PLPPR1: variants seen among roughly 807,000 people sequenced by gnomAD.
The protein encoded by PLPPR1 is phospholipid phosphatase-related protein type 1.
Under a neutral mutation model 33.1 loss-of-function variants are expected in PLPPR1, and 10 were observed. The observed-to-expected ratio is 0.30, with a 90% CI of 0.19 to 0.51. The LOEUF (loss-of-function observed/expected upper bound fraction) is 0.51, where lower values mean the gene tolerates loss of function less well. Among genes scored for constraint, PLPPR1 ranks in the 20% least tolerant of loss-of-function variants. PLPPR1 has a pLI of 0.97. For synonymous variants in PLPPR1, 151 were observed against 151.0 expected (o/e 1.00, Z 0.00); for missense variants, 304 against 408.1 (o/e 0.74, Z 2.20).
At chr9:101,073,006 A>G (rs1004979342) in intron 1 of PLPPR1, among the ~76,000 whole-genome samples, 2 of 152,220 alleles carry the variant, frequency 1.3e-5, no homozygotes, top group African/African-American at 4.8e-5. Flanking sequence ...GTAGGGTGAG[A>G]ATACACAAAC....
intron 2 of PLPPR1, among the ~76,000 whole-genome samples, chr9:101,196,240 C>T (rs1205197942): frequency 6.6e-6 from 1 of 152,136 alleles, no homozygotes; most frequent in East Asian, 1.9e-4. Flanking sequence ...AACTGCCATT[C>T]CAATCTATCT....
chr9:101,099,778 A>G (rs1830872420), intron 1 of PLPPR1, among the ~76,000 whole-genome samples: 1 of 152,126 alleles, frequency 6.6e-6, no homozygotes. Flanking sequence ...AAGTCCTGGA[A>G]CAACTCCCCC....
intron 1 of PLPPR1, among the ~76,000 whole-genome samples, chr9:101,120,144 C>T (rs1831160708): frequency 6.6e-6 from 1 of 152,212 alleles, no homozygotes; most frequent in Non-Finnish European, 1.5e-5. Flanking sequence ...TATATTTGCA[C>T]ATGTAATAAT....
chr9:101,061,714 G>T (rs1830349910), intron 1 of PLPPR1, among the ~76,000 whole-genome samples: 1 of 151,734 alleles, frequency 6.6e-6, no homozygotes, highest in Non-Finnish European at 1.5e-5. Flanking sequence ...GATCAAGGAA[G>T]ATGTTGTATT....
At chr9:101,153,381 T>G (rs991913639) in intron 1 of PLPPR1, among the ~76,000 whole-genome samples, 1 of 152,160 alleles carries the variant, frequency 6.6e-6, no homozygotes, top group Admixed American at 6.5e-5. Context: ...TGAATACCTT[T>G]ATTTCTTTCT....
chr9:101,029,629 T>TG (rs1220205787), intron 1 of PLPPR1, among the ~76,000 whole-genome samples: 4 of 152,138 alleles, frequency 2.6e-5, no homozygotes, highest in East Asian at 1.9e-4. Flanking sequence ...AGGCGCATAG[T>TG]GGGGTGTGTG....
At position 101,309,360 on chromosome 9, in the gene PLPPR1, G is replaced by A. The variant is rs1828914846; in HGVS notation, c.535G>A (p.Gly179Arg). ...CQAHHQFINNGNICTGDLEVI... is the reference protein window; with the variant it reads ...CQAHHQFINNRNICTGDLEVI... ...AGCGCACCACCAGTTTATAAACAATGGGAACATTTGTACTGGGGACCTGGA... is the reference window on the plus strand; with the variant it reads ...AGCGCACCACCAGTTTATAAACAATAGGAACATTTGTACTGGGGACCTGGA... Residue 179 changes from glycine to arginine, a missense_variant, in exon 5 of 8, where the codon GGG (glycine) becomes AGG (arginine). Gly to Arg is a moderately radical substitution (Grantham distance 125). Transcript: ENST00000374874. 2.5e-6 allele frequency: 4 copies of A among 1,614,088 alleles called. No homozygotes were observed. Among genetic ancestry groups the A allele is most frequent in the Non-Finnish European group, 3.4e-6 (4 of 1,180,024 alleles).
intron 7 of PLPPR1, among the ~76,000 whole-genome samples, chr9:101,322,176 G>T (rs1275104779): frequency 7.9e-6 from 1 of 126,012 alleles, no homozygotes; most frequent in Non-Finnish European, 1.6e-5. Flanking sequence ...CCAGCCTGGG[G>T]GACAACAGCA....
At chr9:101,230,564 G>C (rs1338232091) in intron 2 of PLPPR1, among the ~76,000 whole-genome samples, 2 of 152,048 alleles carry the variant, frequency 1.3e-5, no homozygotes, top group Non-Finnish European at 2.9e-5. Context: ...GTGTGGAAAA[G>C]GACTGTGGTT....
intron 1 of PLPPR1, among the ~76,000 whole-genome samples, chr9:101,155,574 G>A (rs900692496): frequency 7.3e-5 from 11 of 151,422 alleles, no homozygotes; most frequent in Admixed American, 5.9e-4. Context: ...TTGTTGCATT[G>A]GGGACTAAAT....
At chr9:101,079,601 A>G (rs1830592947) in intron 1 of PLPPR1, among the ~76,000 whole-genome samples, 2 of 147,196 alleles carry the variant, frequency 1.4e-5, no homozygotes, top group South Asian at 4.3e-4. Flanking sequence ...TTTTTTTGAG[A>G]CAGAGTCTAG....
intron 2 of PLPPR1, among the ~76,000 whole-genome samples, chr9:101,195,432 G>T (rs1401054416): frequency 6.6e-6 from 1 of 152,062 alleles, no homozygotes; most frequent in Non-Finnish European, 1.5e-5. Context: ...TTTCATAAAG[G>T]CATTTGCATG....
rs188527152 is a variant in PLPPR1, at chr9:101,165,404, G to T, written c.-45-20046G>T. ...TACAGTCATCTGAGAAGGCTTCATG[G>T]CAGGGGTAGAAACTGAACTATGCCT... On this transcript the variant is annotated intron_variant, in intron 1 of 7. Coordinates refer to ENST00000374874, the MANE Select transcript of PLPPR1 (RefSeq NM_207299.2). Among the ~76,000 whole-genome samples the T allele has an allele frequency of 5.3e-5, 8 of 152,300 alleles. No individual in the cohort carries two copies. The East Asian group carries it at 1.5e-3, about 29-fold the overall frequency.
At chr9:101,179,704 G>T (rs1212110652) in intron 1 of PLPPR1, among the ~76,000 whole-genome samples, 1 of 151,954 alleles carries the variant, frequency 6.6e-6, no homozygotes, top group Non-Finnish European at 1.5e-5. Flanking sequence ...GTTGACAAGG[G>T]GTAGACTTGT....
At chr9:101,268,277 TGTGAAAAAAAAA>T (rs1828034801) in intron 2 of PLPPR1, among the ~76,000 whole-genome samples, 1 of 148,690 alleles carries the variant, frequency 6.7e-6, no homozygotes, top group African/African-American at 2.6e-5. Context: ...AAATCTTTGA[TGTGAAAAAAAAA>T]AAGAAAAAAG....
intron 2 of PLPPR1, among the ~76,000 whole-genome samples, chr9:101,221,203 T>C (rs1826927706): frequency 6.6e-6 from 1 of 152,184 alleles, no homozygotes; most frequent in Admixed American, 6.5e-5. Flanking sequence ...CTGAGCAGTA[T>C]ACGCTGCACT....
chr9:101,203,711 A>C (rs368561704), intron 2 of PLPPR1, among the ~76,000 whole-genome samples: 10 of 40,272 alleles, frequency 2.5e-4, no homozygotes, highest in Admixed American at 8.7e-4. Flanking sequence ...ATATATCTAT[A>C]TACACATTAT....
intron 1 of PLPPR1, among the ~76,000 whole-genome samples, chr9:101,034,987 C>T (rs1187966741): frequency 6.6e-6 from 1 of 152,162 alleles, no homozygotes; most frequent in African/African-American, 2.4e-5. Context: ...TAGTTGCCCA[C>T]TTCTCACACC....
chr9:101,203,140 C>T (rs1161979369), intron 2 of PLPPR1, among the ~76,000 whole-genome samples: 1 of 152,172 alleles, frequency 6.6e-6, no homozygotes, highest in East Asian at 1.9e-4. Flanking sequence ...GGGGGCAGTG[C>T]CACCTCTAAA....
Sources: allele counts gnomAD v4.1 joint callset (sites outside exome capture counted in the v4.1 genomes callset), GRCh38; gene constraint gnomAD v4.1.1; transcripts MANE v1.5; gene names NCBI Gene and HGNC (gene_info 2026-07-23, HGNC 2026-07-21).